The following SORCS3 variants were observed in gnomAD, a reference collection of about 807,000 sequenced individuals.
SORCS3 encodes the protein VPS10 domain-containing receptor SorCS3.
Under a neutral mutation model 146.3 loss-of-function variants are expected in SORCS3, and 57 were observed. The ratio of observed to expected loss-of-function variants is 0.39; its 90% CI spans 0.31 to 0.49. The LOEUF is 0.49. Among genes scored for constraint, SORCS3 ranks in the 20% least tolerant of loss-of-function variants. The pLI is 0.92. For missense variants in SORCS3, 1,341 were observed against 1,575.5 expected, an observed-to-expected ratio of 0.85 and a Z score of 2.52; for synonymous variants, 653 against 618.5, an observed-to-expected ratio of 1.06 and a Z score of -0.83.
At chr10:105,120,343 G>A (rs1203880445) in intron 7 of SORCS3, among the ~76,000 whole-genome samples, 2 of 152,142 alleles carry the variant, frequency 1.3e-5, no homozygotes, top group Non-Finnish European at 2.9e-5. Context: ...TAATTACCCA[G>A]TCTTGGGTAT....
intron 3 of SORCS3, among the ~76,000 whole-genome samples, chr10:104,966,526 C>T (rs560169252): frequency 1.3e-3 from 197 of 152,174 alleles, no homozygotes; most frequent in African/African-American, 4.6e-3. Flanking sequence ...TCTGTTTGCT[C>T]CTATTCTGAG....
intron 14 of SORCS3, among the ~76,000 whole-genome samples, chr10:105,189,019 AGTT>A (rs753243552): frequency 4.6e-5 from 7 of 152,248 alleles, no homozygotes; most frequent in Admixed American, 1.3e-4. Context: ...AATAGGGAGA[AGTT>A]GTATGTAGCC....
chr10:104,751,970 A>ATATATATATAT (rs2016993420), intron 1 of SORCS3, among the ~76,000 whole-genome samples: 1 of 51,942 alleles, frequency 1.9e-5, no homozygotes, highest in Admixed American at 2.7e-4. Flanking sequence ...TATATATATA[A>ATATATATATAT]TAGTTTAGCA....
At chr10:104,780,752 C>A (rs1046015026) in intron 1 of SORCS3, among the ~76,000 whole-genome samples, 9 of 152,188 alleles carry the variant, frequency 5.9e-5, no homozygotes, top group African/African-American at 2.2e-4. Flanking sequence ...TTGTTCACAA[C>A]TGGGAATTGC....
At chr10:104,989,383 C>T (rs191794069) in intron 4 of SORCS3, among the ~76,000 whole-genome samples, 5 of 152,194 alleles carry the variant, frequency 3.3e-5, no homozygotes, top group East Asian at 1.9e-4. Flanking sequence ...AAAGTACCAA[C>T]GTGCATATTG....
At position 105,256,522 on chromosome 10, in the gene SORCS3, G is replaced by A. The variant is rs78314312; in HGVS notation, c.3338-297G>A. Among the ~76,000 whole-genome samples the A allele has an allele frequency of 5.6e-4, 85 of 152,326 alleles. No individual in the cohort carries two copies. The East Asian group carries it at 0.014, about 26-fold the overall frequency. On this transcript the variant is annotated intron_variant, in intron 24 of 26. Transcript: ENST00000369701. The stretch of plus-strand genomic sequence containing the variant: ...GCATGCAGCCTATCTAAGAGAAAGA[G>A]CACTGGAGCCCTTATTCCACTCCCC...
chr10:105,037,594 G>A (rs1412137690), intron 4 of SORCS3, among the ~76,000 whole-genome samples: 1 of 152,042 alleles, frequency 6.6e-6, no homozygotes, highest in Non-Finnish European at 1.5e-5. Flanking sequence ...CTCCTTATGT[G>A]TCTTTACGTA....
At chr10:104,735,565 C>T (rs4394769) in intron 1 of SORCS3, among the ~76,000 whole-genome samples, 1 of 147,874 alleles carries the variant, frequency 6.8e-6, no homozygotes, top group Non-Finnish European at 1.5e-5. Context: ...AACTGGCCCT[C>T]ATAATTGTAA....
chr10:105,024,299 T>C (rs943571812), intron 4 of SORCS3, among the ~76,000 whole-genome samples: 1 of 152,174 alleles, frequency 6.6e-6, no homozygotes, highest in Admixed American at 6.5e-5. Context: ...GGTGGCACAC[T>C]CTTTTTTTTG....
chr10:104,907,350 A>G (rs2018916813), intron 2 of SORCS3, among the ~76,000 whole-genome samples: 1 of 152,114 alleles, frequency 6.6e-6, no homozygotes, highest in South Asian at 2.1e-4. Context: ...AGTTTTTGGC[A>G]TTTTAAAACC....
chr10:104,852,440 G>A (rs1462777527), intron 2 of SORCS3, among the ~76,000 whole-genome samples: 4 of 152,182 alleles, frequency 2.6e-5, no homozygotes, highest in African/African-American at 9.7e-5. Context: ...TTGCCTAAGT[G>A]ATTTTCAATT....
chr10:104,875,915 T>G (rs1003622507), intron 2 of SORCS3, among the ~76,000 whole-genome samples: 1 of 152,154 alleles, frequency 6.6e-6, no homozygotes, highest in Non-Finnish European at 1.5e-5. Flanking sequence ...CTAAATAGAC[T>G]CACATGGCAA....
At chr10:104,685,111 C>A (rs1184961075) in intron 1 of SORCS3, among the ~76,000 whole-genome samples, 2 of 151,998 alleles carry the variant, frequency 1.3e-5, no homozygotes, top group Admixed American at 6.6e-5. Context: ...TACCACCAAG[C>A]CTGGCCTGAA....
chr10:105,218,277 C>A (rs981216896), intron 19 of SORCS3, among the ~76,000 whole-genome samples: 1 of 152,154 alleles, frequency 6.6e-6, no homozygotes, highest in African/African-American at 2.4e-5. Flanking sequence ...CTCCTGAACT[C>A]CAATTTTAAA....
chr10:105,182,747 G>A (rs2056450891), intron 14 of SORCS3, among the ~76,000 whole-genome samples: 1 of 152,144 alleles, frequency 6.6e-6, no homozygotes, highest in Admixed American at 6.6e-5. Flanking sequence ...CCAGGTTGGA[G>A]TGCAGTGATG....
chr10:105,101,571 TG>T (rs2055785378), intron 6 of SORCS3, among the ~76,000 whole-genome samples: 5 of 152,210 alleles, frequency 3.3e-5, no homozygotes, highest in Non-Finnish European at 1.5e-5. Context: ...TACTGAGCAG[TG>T]GCAAGTAGAG....
chr10:105,244,640 A>G (rs961023839), intron 20 of SORCS3, among the ~76,000 whole-genome samples: 5 of 152,200 alleles, frequency 3.3e-5, no homozygotes, highest in African/African-American at 1.2e-4. Flanking sequence ...ATAAATGATC[A>G]CAAATATGTT....
chr10:104,895,150 G>C (rs1227131078), intron 2 of SORCS3, among the ~76,000 whole-genome samples: 1 of 152,178 alleles, frequency 6.6e-6, no homozygotes, highest in Non-Finnish European at 1.5e-5. Flanking sequence ...GGTGAGGCTG[G>C]AGCTGAGGCT....
intron 6 of SORCS3, among the ~76,000 whole-genome samples, chr10:105,097,472 A>T (rs1407504347): frequency 6.6e-6 from 1 of 152,142 alleles, no homozygotes; most frequent in African/African-American, 2.4e-5. Context: ...AGACAGAAGG[A>T]CACACACACC....
Sources: gnomAD v4.1 joint callset for allele counts (sites outside exome capture counted in the v4.1 genomes callset) on GRCh38, gnomAD v4.1.1 for gene constraint, MANE v1.5 for transcripts, NCBI Gene and HGNC (gene_info 2026-07-23, HGNC 2026-07-21) for gene names.